EXOC4: variants seen among roughly 807,000 people sequenced by gnomAD.
EXOC4 encodes SEC8-like 1.
Under a neutral mutation model 107.2 loss-of-function variants are expected in EXOC4, and 71 were observed. That is an observed-to-expected ratio of 0.66 (90% CI 0.55 to 0.81). The LOEUF is 0.81. Among genes scored for constraint, EXOC4 ranks in the 30% least tolerant of loss-of-function variants. The pLI is 0.00. For synonymous variants in EXOC4, 456 were observed against 441.2 expected (o/e 1.03, Z -0.42); for missense variants, 1,108 against 1,189.6 (o/e 0.93, Z 1.01).
At chr7:134,078,539 C>A in the EXOC4 span, among the ~76,000 whole-genome samples, 2 of 152,084 alleles carry the variant, frequency 1.3e-5, no homozygotes, top group Admixed American at 6.5e-5. Flanking sequence ...TACCCTCTAA[C>A]AACGTAGGCC....
chr7:133,811,671 G>A (rs1043327250), intron 10 of EXOC4, among the ~76,000 whole-genome samples: 3 of 152,184 alleles, frequency 2.0e-5, no homozygotes, highest in African/African-American at 7.2e-5. Flanking sequence ...AAAGTAGTGT[G>A]AACAGCCATA....
intron 15 of EXOC4, among the ~76,000 whole-genome samples, chr7:133,999,946 A>C (rs1794494156): frequency 6.6e-6 from 1 of 152,216 alleles, no homozygotes. Context: ...ACTGGTTGCC[A>C]TATCTTCTTC....
intron 17 of EXOC4, among the ~76,000 whole-genome samples, chr7:134,018,846 G>A (rs945436154): frequency 3.3e-5 from 5 of 151,914 alleles, no homozygotes; most frequent in African/African-American, 9.7e-5. Flanking sequence ...CTACCTGTCA[G>A]CAATCTGAAG....
intron 2 of EXOC4, among the ~76,000 whole-genome samples, chr7:133,279,588 G>T (rs1395028463): frequency 1.3e-5 from 2 of 152,196 alleles, no homozygotes; most frequent in Non-Finnish European, 2.9e-5. Context: ...GCACTATCAT[G>T]AATCGCCATA....
In EXOC4 at chr7:133,535,078, G is replaced by A. The variant is rs1800248208; in HGVS notation, c.1417+54940G>A. Among the ~76,000 whole-genome samples, 1 of 152,040 alleles carries A rather than the reference G, an allele frequency of 6.6e-6. No homozygotes were observed. Among genetic ancestry groups the A allele is most frequent in the Non-Finnish European group, 1.5e-5 (1 of 67,990 alleles). On this transcript the variant is annotated intron_variant, in intron 9 of 17. Coordinates refer to ENST00000253861, the MANE Select transcript of EXOC4 (RefSeq NM_021807.4). ...ATCTGTGTGAGCACGTGGAAGAACC[G>A]TATTTTATTTTTTGAAAACAATCTT... is the stretch of plus-strand genomic sequence containing the variant.
intron 7 of EXOC4, among the ~76,000 whole-genome samples, chr7:133,472,552 G>T (rs992444248): frequency 4.6e-5 from 7 of 152,188 alleles, no homozygotes; most frequent in Non-Finnish European, 7.3e-5. Context: ...GGTTTTCTTA[G>T]TGAAATATGT....
chr7:133,372,016 G>C (rs763877886), intron 6 of EXOC4, among the ~76,000 whole-genome samples: 7 of 151,914 alleles, frequency 4.6e-5, no homozygotes. Flanking sequence ...TTGCTTATTG[G>C]CCATTCATAT....
At chr7:133,562,869 A>T (rs748944424) in intron 9 of EXOC4, among the ~76,000 whole-genome samples, 3 of 152,184 alleles carry the variant, frequency 2.0e-5, no homozygotes, top group Non-Finnish European at 2.9e-5. Context: ...ACATTTTGGT[A>T]TTGCTAGCCC....
At chr7:133,464,556 A>T (rs1163456896) in intron 7 of EXOC4, among the ~76,000 whole-genome samples, 2 of 152,148 alleles carry the variant, frequency 1.3e-5, no homozygotes, top group Non-Finnish European at 2.9e-5. Flanking sequence ...AACATTGTGG[A>T]CAGAGAGAAC....
At chr7:133,356,608 CTATT>C (rs758598267) in intron 6 of EXOC4, 35 bp downstream of exon 6, 6 of 1,608,370 alleles carry the variant, frequency 3.7e-6, no homozygotes, top group East Asian at 4.5e-5. Flanking sequence ...TTTGACAACT[CTATT>C]TATTGCACAT....
At chr7:134,058,177 G>C (rs775436597) in intron 17 of EXOC4, among the ~76,000 whole-genome samples, 46 of 152,272 alleles carry the variant, frequency 3.0e-4, no homozygotes, top group Non-Finnish European at 5.3e-4. Context: ...TGCTCAAAAT[G>C]CTGTAGATAT....
At chr7:133,304,308 T>TG (rs1473213823) in intron 3 of EXOC4, among the ~76,000 whole-genome samples, 1 of 152,294 alleles carries the variant, frequency 6.6e-6, no homozygotes, top group African/African-American at 2.4e-5. Context: ...TTTTCCTCCT[T>TG]GGGGACACTG....
At chr7:133,903,247 G>A (rs991804223) in intron 12 of EXOC4, among the ~76,000 whole-genome samples, 1 of 152,204 alleles carries the variant, frequency 6.6e-6, no homozygotes, top group Non-Finnish European at 1.5e-5. Flanking sequence ...GAAATGAGAA[G>A]CCATTACAAG....
chr7:133,730,515 G>A (rs546273816), intron 10 of EXOC4, among the ~76,000 whole-genome samples: 13 of 152,126 alleles, frequency 8.5e-5, no homozygotes, highest in Admixed American at 2.0e-4. Context: ...CTGATATAAC[G>A]AAAGTCAACT....
chr7:134,023,724 T>C (rs1324430355), intron 17 of EXOC4, among the ~76,000 whole-genome samples: 1 of 152,154 alleles, frequency 6.6e-6, no homozygotes, highest in African/African-American at 2.4e-5. Context: ...TTCAAGAAAA[T>C]GTACCACAGC....
chr7:134,080,390 G>A, the EXOC4 span, among the ~76,000 whole-genome samples: 3 of 150,504 alleles, frequency 2.0e-5, no homozygotes, highest in African/African-American at 5.0e-5. Flanking sequence ...ATTCAGTGGC[G>A]AGTAGGAGAT....
chr7:133,793,717 C>T (rs913960214), intron 10 of EXOC4, among the ~76,000 whole-genome samples: 7 of 151,984 alleles, frequency 4.6e-5, no homozygotes, highest in African/African-American at 1.5e-4. Context: ...TGGTGGCACA[C>T]GCCTGTAATC....
chr7:133,993,874 C>T lies in EXOC4; in HGVS notation c.2207-3618C>T, dbSNP rs191772454. On this transcript the variant is annotated intron_variant, in intron 14 of 17. Transcript: ENST00000253861. ...TTCCCAAAAGCCACAAAAGACTCTA[C>T]TTAGGGGGTCAGTGGACAGACTATG... is the stretch of plus-strand genomic sequence containing the variant. Among the ~76,000 whole-genome samples, 3 of 152,318 alleles carry T rather than the reference C, an allele frequency of 2.0e-5. No individual in the cohort carries two copies. In the East Asian group the frequency reaches 5.8e-4, roughly 29 times the overall value.
At chr7:133,510,892 C>T (rs1563091935) in intron 9 of EXOC4, among the ~76,000 whole-genome samples, 1 of 152,008 alleles carries the variant, frequency 6.6e-6, no homozygotes, top group Non-Finnish European at 1.5e-5. Flanking sequence ...TATGGTTTGG[C>T]AAGTAAGAAC....
Sources: gnomAD v4.1 joint callset for allele counts (sites outside exome capture counted in the v4.1 genomes callset) on GRCh38, gnomAD v4.1.1 for gene constraint, MANE v1.5 for transcripts, NCBI Gene and HGNC (gene_info 2026-07-23, HGNC 2026-07-21) for gene names.